COG5: variants seen among roughly 807,000 people sequenced by gnomAD.
The protein encoded by COG5 is component of oligomeric golgi complex 5.
COG5 carries 86 observed loss-of-function variants against 110.4 expected under a neutral mutation model. That is an observed-to-expected ratio of 0.78 (90% CI 0.65 to 0.93). The LOEUF (loss-of-function observed/expected upper bound fraction) is 0.93. COG5 is among the 40% of genes least tolerant of loss of function. The pLI, the probability that COG5 is intolerant of heterozygous loss-of-function variation, is 0.00. For synonymous variants in COG5, 360 were observed against 334.6 expected, an observed-to-expected ratio of 1.08 and a Z score of -0.83; for missense variants, 1,077 against 987.0, an observed-to-expected ratio of 1.09 and a Z score of -1.22.
At chr7:107,266,438 A>T (rs897238219) in intron 14 of COG5, among the ~76,000 whole-genome samples, 1 of 152,166 alleles carries the variant, frequency 6.6e-6, no homozygotes, top group Non-Finnish European at 1.5e-5. Context: ...TTATGCTGTT[A>T]CATCTCTTCT....
intron 6 of COG5, among the ~76,000 whole-genome samples, chr7:107,468,218 C>G (rs1333107945): frequency 1.3e-5 from 2 of 152,112 alleles, no homozygotes; most frequent in Non-Finnish European, 2.9e-5. Context: ...TTACCTTGAC[C>G]CTTTCAAGTC....
intron 6 of COG5, chr7:107,471,635 G>A (rs1463829649): frequency 1.3e-5 from 2 of 151,896 alleles, no homozygotes; most frequent in African/African-American, 4.8e-5. Flanking sequence ...TTTTAAAAGG[G>A]GAAGTTTATA....
At chr7:107,425,343 CAAA>C (rs35373213) in intron 6 of COG5, among the ~76,000 whole-genome samples, 2 of 111,272 alleles carry the variant, frequency 1.8e-5, no homozygotes, top group Non-Finnish European at 3.8e-5. Flanking sequence ...ACTCTGTCTC[CAAA>C]AAAAAAAAAA....
intron 11 of COG5, among the ~76,000 whole-genome samples, chr7:107,299,826 C>CATATATAT (rs71856513): frequency 0.031 from 3,230 of 102,898 alleles, 71 homozygotes; most frequent in Non-Finnish European, 0.045. Flanking sequence ...TCATAGTTGG[C>CATATATAT]ATATATATAT....
At chr7:107,361,618 G>C (rs2129045966) in intron 10 of COG5, among the ~76,000 whole-genome samples, 1 of 152,310 alleles carries the variant, frequency 6.6e-6, no homozygotes, top group East Asian at 1.9e-4. Flanking sequence ...CTGGAGTGCA[G>C]TGGCGTGACC....
chr7:107,462,285 T>C (rs1434728403), intron 6 of COG5, among the ~76,000 whole-genome samples: 2 of 152,148 alleles, frequency 1.3e-5, no homozygotes, highest in African/African-American at 2.4e-5. Context: ...CAAGAAAATA[T>C]AGAAGCCAGA....
intron 10 of COG5, among the ~76,000 whole-genome samples, chr7:107,331,763 C>A (rs929289588): frequency 2.0e-5 from 3 of 150,828 alleles, no homozygotes; most frequent in Non-Finnish European, 2.9e-5. Flanking sequence ...AGCAGGTGGG[C>A]AAAGAAAGAT....
At chr7:107,496,231 T>A (rs1798264250) in intron 6 of COG5, among the ~76,000 whole-genome samples, 2 of 152,156 alleles carry the variant, frequency 1.3e-5, no homozygotes, top group African/African-American at 2.4e-5. Context: ...CAGCCCAACA[T>A]CCTGTATAAA....
At position 107,461,818 on chromosome 7, in the gene COG5, C is replaced by T. The variant is rs116260648; in HGVS notation, c.539-49186G>A. Among the ~76,000 whole-genome samples the T allele has an allele frequency of 5.5e-3, 833 of 152,164 alleles. 8 individuals are homozygous for T. Among genetic ancestry groups the T allele is most frequent in the African/African-American group, 0.019 (804 of 41,502 alleles). On this transcript the variant is annotated intron_variant, in intron 6 of 21. Transcript: ENST00000297135. ...CAAAAATGTTATGAGTCTAGCACTA[C>T]CCAACTTGACAAAATATGTGTGAGA...
chr7:107,465,862 A>G (rs1033725142), intron 6 of COG5, among the ~76,000 whole-genome samples: 1 of 152,182 alleles, frequency 6.6e-6, no homozygotes, highest in African/African-American at 2.4e-5. Flanking sequence ...ACTAGTATCA[A>G]TAACAGAGCA....
intron 19 of COG5, among the ~76,000 whole-genome samples, chr7:107,217,814 T>C (rs1041024386): frequency 2.0e-5 from 3 of 152,078 alleles, no homozygotes; most frequent in African/African-American, 7.2e-5. Flanking sequence ...GACAAAGATG[T>C]CCACTGTCAG....
intron 3 of COG5, among the ~76,000 whole-genome samples, chr7:107,552,460 G>A (rs1301894353): frequency 6.6e-6 from 1 of 151,806 alleles, no homozygotes; most frequent in African/African-American, 2.4e-5. Context: ...TAAAAAGTGG[G>A]CAAAAGACAT....
intron 7 of COG5, among the ~76,000 whole-genome samples, chr7:107,412,084 A>G (rs1792343766): frequency 6.6e-6 from 1 of 152,090 alleles, no homozygotes; most frequent in Non-Finnish European, 1.5e-5. Flanking sequence ...AAACTAAATA[A>G]TTTACTAGCT....
At chr7:107,218,577 A>C (rs1309749651) in intron 19 of COG5, among the ~76,000 whole-genome samples, 1 of 152,178 alleles carries the variant, frequency 6.6e-6, no homozygotes, top group Non-Finnish European at 1.5e-5. Flanking sequence ...TTTTCAACAA[A>C]GGTGCCAAGA....
At chr7:107,427,910 T>C (rs892377770) in intron 6 of COG5, among the ~76,000 whole-genome samples, 3 of 152,092 alleles carry the variant, frequency 2.0e-5, no homozygotes. Context: ...GATATGAGGG[T>C]GGTCCCCCAC....
chr7:107,459,796 A>AG (rs1370862919), intron 6 of COG5, among the ~76,000 whole-genome samples: 13 of 46,434 alleles, frequency 2.8e-4, no homozygotes, highest in African/African-American at 1.9e-3. Flanking sequence ...ATTCTGGCTC[A>AG]GGGAAAAAAA....
At chr7:107,300,787 C>A (rs1480565287) in intron 11 of COG5, among the ~76,000 whole-genome samples, 1 of 151,980 alleles carries the variant, frequency 6.6e-6, no homozygotes, top group Non-Finnish European at 1.5e-5. Context: ...TGCAGGATTT[C>A]TTTTAGTAGA....
intron 6 of COG5, among the ~76,000 whole-genome samples, chr7:107,444,935 C>A (rs1389498812): frequency 6.6e-6 from 1 of 152,084 alleles, no homozygotes; most frequent in African/African-American, 2.4e-5. Context: ...TGCCTGTAAT[C>A]CTAGCACTTT....
chr7:107,399,453 G>A (rs535853677), intron 7 of COG5, among the ~76,000 whole-genome samples: 1 of 152,004 alleles, frequency 6.6e-6, no homozygotes, highest in Non-Finnish European at 1.5e-5. Context: ...TAGTGAGTGA[G>A]TTTTCACCAG....
Sources: allele counts gnomAD v4.1 joint callset (sites outside exome capture counted in the v4.1 genomes callset), GRCh38; gene constraint gnomAD v4.1.1; transcripts MANE v1.5; gene names NCBI Gene and HGNC (gene_info 2026-07-23, HGNC 2026-07-21).